BMPR1A: variants seen among roughly 807,000 people sequenced by gnomAD.
BMPR1A encodes the protein bone morphogenetic protein receptor type-1A.
BMPR1A carries 7 observed loss-of-function variants against 66.0 expected under a neutral mutation model. That is an observed-to-expected ratio of 0.11 (90% CI 0.06 to 0.20). The LOEUF is 0.20. Among genes scored for constraint, BMPR1A ranks in the 10% least tolerant of loss-of-function variants. The pLI is 1.00. For synonymous variants in BMPR1A, 200 were observed against 229.7 expected, an observed-to-expected ratio of 0.87 and a Z score of 1.17; for missense variants, 408 against 669.1, an observed-to-expected ratio of 0.61 and a Z score of 4.31.
At chr10:86,762,716 T>C (rs376658627) in intron 1 of BMPR1A, among the ~76,000 whole-genome samples, 15 of 152,050 alleles carry the variant, frequency 9.9e-5, no homozygotes, top group East Asian at 9.7e-4. Context: ...TAAATAATTA[T>C]CTAGTTGTAG....
At chr10:86,845,815 G>T (rs960358943) in intron 2 of BMPR1A, among the ~76,000 whole-genome samples, 1 of 151,998 alleles carries the variant, frequency 6.6e-6, no homozygotes, top group African/African-American at 2.4e-5. Flanking sequence ...GGCTAACATG[G>T]TGAAACCCCG....
chr10:86,838,804 A>G (rs1842388240), intron 1 of BMPR1A, 61 bp from the exon 2 acceptor site: 1 of 152,160 alleles, frequency 6.6e-6, no homozygotes, highest in South Asian at 2.1e-4. Flanking sequence ...TATTGCTTCT[A>G]GATGTATTAT....
rs1163745208 is a variant in BMPR1A, at chr10:86,927,125, TTTACTC to T, written c.*3408_*3413del. On this transcript the variant is annotated 3_prime_UTR_variant, in exon 13 of 13. Transcript: ENST00000372037. Reference sequence around the variant, plus strand: ...TTTCCTAGAACGTGCCAAATTTTGATTTACTCTAACAATCAGTACTTTTCTTCAGAT... The same window carrying T: ...TTTCCTAGAACGTGCCAAATTTTGATTAACAATCAGTACTTTTCTTCAGAT... 1.1e-5 allele frequency: 2 copies of T among 186,628 alleles called. No homozygotes were observed. The highest frequency in any genetic ancestry group is 4.7e-5 in the African/African-American group (2 of 42,726). 11.6% of individuals were successfully genotyped at this position (186,628 alleles called of 1,614,324 possible). A position where few individuals can be genotyped will look rare whatever the true frequency, so the allele number is the denominator to read the frequency against.
At chr10:86,930,761 G>A (rs1259567539), downstream of BMPR1A, 1 of 151,982 alleles carries the variant, frequency 6.6e-6, no homozygotes, top group Admixed American at 6.5e-5. Context: ...AGACAGTCTT[G>A]CACTGTCACC....
intron 1 of BMPR1A, among the ~76,000 whole-genome samples, chr10:86,816,683 C>G (rs770030918): frequency 6.6e-6 from 1 of 152,198 alleles, no homozygotes; most frequent in Non-Finnish European, 1.5e-5. Flanking sequence ...GGACTCTTTT[C>G]TAAGAAATCG....
intron 7 of BMPR1A, among the ~76,000 whole-genome samples, chr10:86,909,415 A>T (rs573924509): frequency 9.2e-5 from 14 of 151,990 alleles, no homozygotes; most frequent in Non-Finnish European, 1.8e-4. Flanking sequence ...CAACTAGCGG[A>T]ACCTTAACTC....
chr10:86,774,142 G>A (rs1361714895), intron 1 of BMPR1A, among the ~76,000 whole-genome samples: 6 of 152,000 alleles, frequency 3.9e-5, no homozygotes, highest in East Asian at 1.9e-4. Context: ...GAGCCACCGC[G>A]CCCAGCCTTT....
intron 1 of BMPR1A, among the ~76,000 whole-genome samples, chr10:86,803,668 T>G (rs1841844242): frequency 6.6e-6 from 1 of 152,230 alleles, no homozygotes. Context: ...TGGTCTTTTG[T>G]GACCTATCTC....
chr10:86,885,316 A>T (rs1164310252), intron 3 of BMPR1A, among the ~76,000 whole-genome samples: 2 of 152,104 alleles, frequency 1.3e-5, no homozygotes, highest in African/African-American at 4.8e-5. Context: ...ATTGGAACAC[A>T]CTCATGTTCA....
At chr10:86,846,034 A>G (rs1301454541) in intron 2 of BMPR1A, among the ~76,000 whole-genome samples, 1 of 151,926 alleles carries the variant, frequency 6.6e-6, no homozygotes, top group Non-Finnish European at 1.5e-5. Flanking sequence ...ATATATGTAT[A>G]TATCTCTGAA....
At chr10:86,865,581 C>G (rs547606707) in intron 2 of BMPR1A, among the ~76,000 whole-genome samples, 26 of 152,350 alleles carry the variant, frequency 1.7e-4, no homozygotes, top group African/African-American at 5.8e-4. Context: ...TTAGTGGTCT[C>G]TTCACACAGA....
At chr10:86,837,253 G>GTGTGTGTGTGTGTC in intron 1 of BMPR1A, among the ~76,000 whole-genome samples, 1 of 134,328 alleles carries the variant, frequency 7.4e-6, no homozygotes, top group East Asian at 1.9e-4. Flanking sequence ...GTGTCTGTGT[G>GTGTGTGTGTGTGTC]TGTGTGTGTG....
chr10:86,906,723 C>CAAAAAAAAAAAAAAAAAAAAAAAAA lies in BMPR1A; in HGVS notation c.531-5502_531-5478dup, dbSNP rs929716555. Among the ~76,000 whole-genome samples, 3 of 10,698 alleles carry CAAAAAAAAAAAAAAAAAAAAAAAAA rather than the reference C, an allele frequency of 2.8e-4. 1 individual carries two copies. The highest frequency in any genetic ancestry group is 3.5e-4 in the Non-Finnish European group (3 of 8,572). The allele number at this position is 10,698 out of a possible 152,430, so 7.0% of individuals were successfully genotyped here. A position where few individuals can be genotyped will look rare whatever the true frequency, so the allele number is the denominator to read the frequency against. On this transcript the variant is annotated intron_variant, in intron 7 of 12. Coordinates refer to ENST00000372037, the MANE Select transcript of BMPR1A (RefSeq NM_004329.3). Reference sequence around the variant, plus strand: ...TGGGCGACAGAGTGAGACTCCGTCTCAAAAAAAAAAAAAAAAAAAAAAAAA... The same window carrying CAAAAAAAAAAAAAAAAAAAAAAAAA: ...TGGGCGACAGAGTGAGACTCCGTCTCAAAAAAAAAAAAAAAAAAAAAAAAAAAAAAAAAAAAAAAAAAAAAAAAAA...
At chr10:86,836,126 AC>A (rs1564699085) in intron 1 of BMPR1A, among the ~76,000 whole-genome samples, 1 of 152,192 alleles carries the variant, frequency 6.6e-6, no homozygotes, top group Admixed American at 6.5e-5. Context: ...TTTGACTAAC[AC>A]CCCTGGTGGT....
chr10:86,865,625 C>G (rs1214143911), intron 2 of BMPR1A, among the ~76,000 whole-genome samples: 1 of 152,180 alleles, frequency 6.6e-6, no homozygotes, highest in Non-Finnish European at 1.5e-5. Context: ...CAGTGTTTCT[C>G]TACAAATTGA....
chr10:86,883,869 GA>G (rs1376075693), intron 3 of BMPR1A, among the ~76,000 whole-genome samples: 3 of 84,950 alleles, frequency 3.5e-5, no homozygotes, highest in Non-Finnish European at 7.0e-5. Context: ...TTGAGCGTAT[GA>G]CTTTTTTTTT....
At chr10:86,875,827 C>A in intron 2 of BMPR1A, 40 bp from the exon 3 acceptor site, 1 of 597,902 alleles carries the variant, frequency 1.7e-6, no homozygotes, top group Non-Finnish European at 3.0e-6. Context: ...TTCCAAAATT[C>A]AGTTGTATTC....
chr10:86,801,908 G>A (rs553812397), intron 1 of BMPR1A, among the ~76,000 whole-genome samples: 2 of 152,100 alleles, frequency 1.3e-5, no homozygotes, highest in East Asian at 3.9e-4. Flanking sequence ...TAGAGACGGA[G>A]TTTCATCATG....
At chr10:86,801,858 A>G (rs536923035) in intron 1 of BMPR1A, among the ~76,000 whole-genome samples, 1 of 151,736 alleles carries the variant, frequency 6.6e-6, no homozygotes, top group East Asian at 1.9e-4. Flanking sequence ...GACTACAGGC[A>G]CCCGCCACCA....
Sources: allele counts gnomAD v4.1 joint callset (sites outside exome capture counted in the v4.1 genomes callset), GRCh38; gene constraint gnomAD v4.1.1; transcripts MANE v1.5; gene names NCBI Gene and HGNC (gene_info 2026-07-23, HGNC 2026-07-21).